The following MGAM variants were observed in gnomAD, a reference collection of about 807,000 sequenced individuals.
MGAM encodes maltase-glucoamylase.
In MGAM, 253 loss-of-function variants were observed where a neutral mutation model predicts 358.8. The ratio of observed to expected loss-of-function variants is 0.71; its 90% confidence interval spans 0.64 to 0.78. The LOEUF (loss-of-function observed/expected upper bound fraction) is 0.78, where lower values mean the gene tolerates loss of function less well. Ranked by LOEUF, MGAM falls within the 30% of genes least tolerant of loss-of-function variation. MGAM has a pLI of 0.00. For synonymous variants in MGAM, 1,105 were observed against 1,227.1 expected (o/e 0.90, Z 2.08); for missense variants, 3,080 against 3,432.6 (o/e 0.90, Z 2.57).
intron 70 of MGAM, among the ~76,000 whole-genome samples, chr7:142,103,801 C>T (rs909181780): frequency 6.6e-6 from 1 of 151,866 alleles, no homozygotes; most frequent in Admixed American, 6.6e-5. Context: ...ATTTCATGTG[C>T]CACAAAGAAA....
intron 1 of MGAM, among the ~76,000 whole-genome samples, chr7:142,002,784 G>A (rs1314434149): frequency 6.6e-6 from 1 of 151,978 alleles, no homozygotes; most frequent in Non-Finnish European, 1.5e-5. Context: ...AAAAAAGGAA[G>A]TCAAATTACC....
At chr7:142,061,910 A>G (rs58511844) in intron 34 of MGAM, among the ~76,000 whole-genome samples, 1 of 152,274 alleles carries the variant, frequency 6.6e-6, no homozygotes, top group African/African-American at 2.4e-5. Flanking sequence ...AAAAATCTAC[A>G]ATGTAGTTAA....
intron 21 of MGAM, among the ~76,000 whole-genome samples, chr7:142,045,101 T>G (rs1192313235): frequency 1.9e-5 from 2 of 104,850 alleles, no homozygotes; most frequent in African/African-American, 7.0e-5. Flanking sequence ...ATATGTATAT[T>G]ATATATACGT....
chr7:142,091,638 G>A (rs2129058846), intron 57 of MGAM, among the ~76,000 whole-genome samples: 1 of 146,324 alleles, frequency 6.8e-6, no homozygotes, highest in South Asian at 2.2e-4. Context: ...GAATGCATGA[G>A]GTCACTAGTT....
Position 142,034,707 on chromosome 7 carries a change from A to G in MGAM, c.1825A>G (p.Ile609Val), listed in dbSNP as rs1490889499. ...TGTGTTCCCTAATAAGAGAAGCTTC[A>G]TTCTGACCCGTTCTACCTTTGCGGG... ...KTVFPNKRSF[I>V]LTRSTFAGSG... The change falls in exon 16 of 71, where the codon ATT (isoleucine) becomes GTT (valine). Residue 609 changes from isoleucine (I) to valine (V), a missense_variant. Physicochemically the swap from Ile to Val is conservative, Grantham distance 29. Transcript: ENST00000475668. The G allele has an allele frequency of 1.9e-6, 3 of 1,613,458 alleles. No individual in the cohort carries two copies. The highest frequency in any genetic ancestry group is 1.7e-5 in the Admixed American group (1 of 59,946).
At chr7:142,040,516 C>G in intron 20 of MGAM, 1 of 633,822 alleles carries the variant, frequency 1.6e-6, no homozygotes, top group Non-Finnish European at 2.7e-6. Flanking sequence ...ATAGCCTCAG[C>G]ATGGCATAAA....
At position 142,082,069 on chromosome 7, in the gene MGAM, C is replaced by T; in HGVS notation, c.6030C>T (p.Thr2010=). 6.4e-7 allele frequency: 1 copy of T among 1,555,744 alleles called. No homozygotes were observed. Among genetic ancestry groups the T allele is most frequent in the South Asian group, 1.1e-5 (1 of 89,206 alleles). The change falls in exon 51 of 71, where the codon ACC becomes ACT. Residue 2010 remains threonine, a synonymous_variant. Coordinates refer to ENST00000475668, the MANE Select transcript of MGAM (RefSeq NM_001365693.1). The part of the protein sequence containing the change: ...IIWDSQLLGF[T]FNDMFIRIST... ...GGGACTCTCAGCTCCTTGGCTTCAC[C>T]TTCAATGACATGTTTATCCGCATCT...
At chr7:142,012,306 G>A (rs1563110790) in intron 3 of MGAM, among the ~76,000 whole-genome samples, 1 of 152,092 alleles carries the variant, frequency 6.6e-6, no homozygotes, top group Non-Finnish European at 1.5e-5. Flanking sequence ...ACAAGACCAA[G>A]GTGCTGGCAT....
chr7:142,040,250 A>G (rs551750801), intron 20 of MGAM, 79 bp downstream of exon 20: 1 of 1,158,554 alleles, frequency 8.6e-7, no homozygotes, highest in Admixed American at 1.9e-5. Flanking sequence ...CTGGAGAGAG[A>G]AACATCCATC....
rs746338647 is a variant in MGAM at position 142,055,589 on chromosome 7, A to G, written c.3346A>G (p.Ser1116Gly). 6.2e-7 allele frequency: 1 copy of G among 1,613,798 alleles called. No homozygotes were observed. Among genetic ancestry groups the G allele is most frequent in the Admixed American group, 1.7e-5 (1 of 60,006 alleles). ...CTCTCAGCTCCTTGGCTTTACCTTC[A>G]GTGACATGTTTATCCGCATCTCCAC... ...WDSQLLGFTF[S>G]DMFIRISTRL... The change falls in exon 28 of 71, where the codon AGT (serine) becomes GGT (glycine). Residue 1116 changes from serine to glycine, a missense_variant. Transcript: ENST00000475668.
chr7:142,051,009 A>C, intron 24 of MGAM, 145 bp downstream of exon 24: 2 of 998,078 alleles, frequency 2.0e-6, no homozygotes, highest in Non-Finnish European at 3.0e-6. Context: ...GGGGAAAAAA[A>C]TGAGGTGGCC....
Position 142,031,718 on chromosome 7 carries a change from T to C in MGAM, c.1509T>C (p.Asn503=). ...AAACTGTGTTTCCTGATTATACCAA[T>C]CCCAACTGTGCTGTTTGGTGGACAA... is the stretch of plus-strand genomic sequence containing the variant. ...PGQTVFPDYT[N]PNCAVWWTKE... The change falls in exon 13 of 71, where the codon AAT becomes AAC. Residue 503 remains asparagine (N), a synonymous_variant. Coordinates refer to ENST00000475668, the MANE Select transcript of MGAM (RefSeq NM_001365693.1). 1.2e-6 allele frequency: 2 copies of C among 1,613,412 alleles called. No individual in the cohort carries two copies. The highest frequency in any genetic ancestry group is 1.7e-6 in the Non-Finnish European group (2 of 1,179,468).
At chr7:142,090,526 C>T (rs76175388) in intron 57 of MGAM, among the ~76,000 whole-genome samples, 3 of 146,182 alleles carry the variant, frequency 2.1e-5, no homozygotes, top group African/African-American at 7.3e-5. Context: ...TGTCTTCTCA[C>T]ATCCTTGACA....
At position 142,027,153 on chromosome 7, in the gene MGAM, A is replaced by T. The variant is rs1807055750; in HGVS notation, c.1021A>T (p.Thr341Ser). 6.2e-7 allele frequency: 1 copy of T among 1,613,582 alleles called. No homozygotes were observed. The highest frequency in any genetic ancestry group is 1.7e-5 in the Admixed American group (1 of 59,988). ...GCCTGCGCCAGCCATCACTTACCGC[A>T]CCATTGGGGGCATTCTCGACTTCTA... ...LQPAPAITYR[T>S]IGGILDFYVF... The change falls in exon 9 of 71, where the codon ACC becomes TCC. Residue 341 changes from threonine to serine, a missense_variant. Transcript: ENST00000475668.
rs1448840873 is a variant in MGAM, at chr7:142,078,949, C to T, written c.5788C>T (p.Pro1930Ser). 9 of 1,555,950 alleles carry T rather than the reference C, an allele frequency of 5.8e-6. No individual in the cohort carries two copies. In the African/African-American group the frequency reaches 1.2e-4, roughly 21 times the overall value. The change falls in exon 49 of 71, where the codon CCC becomes TCC. Residue 1930 changes from proline to serine, a missense_variant. Physicochemically the swap from Pro to Ser is moderately conservative, Grantham distance 74 (BLOSUM62 -1). This residue lies in a region of MGAM where 932 missense variants were observed against 1,198.2 expected (regional missense o/e 0.78). Transcript: ENST00000475668. ...TCATGCCAATGCCTTCCCTTCCACACCCGTGAACCCCCTTCGCCTGGATGT... is the reference window on the plus strand; with the variant it reads ...TCATGCCAATGCCTTCCCTTCCACATCCGTGAACCCCCTTCGCCTGGATGT... ...SVHANAFPST[P>S]VNPLRLDVTY... is the part of the protein sequence containing the mutation.
Position 142,094,573 on chromosome 7 carries a change from G to A in MGAM, c.7307-47G>A, listed in dbSNP as rs550179434. On this transcript the variant is annotated intron_variant, in intron 61 of 70. Coordinates refer to ENST00000475668, the MANE Select transcript of MGAM (RefSeq NM_001365693.1). ...CCTTGGGGAAGAGGTGAGGAGGCAG[G>A]TCGTGAGAGCGAGCCTGGTGTGACA... 34 of 1,555,642 alleles carry A rather than the reference G, an allele frequency of 2.2e-5. 7 individuals carry two copies. Among genetic ancestry groups the A allele is most frequent in the Middle Eastern group, 1.7e-4 (1 of 5,884 alleles).
intron 35 of MGAM, among the ~76,000 whole-genome samples, chr7:142,063,191 C>T (rs1214130151): frequency 6.7e-6 from 1 of 148,692 alleles, no homozygotes; most frequent in Non-Finnish European, 1.5e-5. Context: ...AGCATAACTC[C>T]ATCTCAAAGA....
At chr7:142,067,937 TATATATATATATATATATATATATATAA>T (rs758750541) in intron 42 of MGAM, among the ~76,000 whole-genome samples, 604 of 33,842 alleles carry the variant, frequency 0.018, 44 homozygotes, top group African/African-American at 0.039. Flanking sequence ...CTCCCTCAAA[TATATATATATATATATATATATATATAA>T]ATATATATAT....
intron 57 of MGAM, among the ~76,000 whole-genome samples, chr7:142,088,433 C>CCAT (rs1441708854): frequency 1.1e-5 from 1 of 92,140 alleles, no homozygotes; most frequent in Non-Finnish European, 2.2e-5. Flanking sequence ...ATCCATGTAC[C>CCAT]CATCTATGTA....
Sources: allele counts gnomAD v4.1 joint callset (sites outside exome capture counted in the v4.1 genomes callset), GRCh38; gene constraint gnomAD v4.1.1; regional missense constraint gnomAD v4.1.1; transcripts MANE v1.5; gene names NCBI Gene and HGNC (gene_info 2026-07-23, HGNC 2026-07-21).